Variants in CTXND1 observed in about 807,000 individuals in gnomAD.
CTXND1 encodes cortexin domain containing 1.
intron 1 of CTXND1, among the ~76,000 whole-genome samples, chr15:80,204,099 G>A (rs1464690939): frequency 7.5e-6 from 1 of 133,866 alleles, no homozygotes; most frequent in African/African-American, 2.8e-5. Context: ...GGAGGCGGAG[G>A]TTGCGCCGCT....
intron 1 of CTXND1, among the ~76,000 whole-genome samples, chr15:80,248,729 A>G (rs1029632695): frequency 2.0e-5 from 3 of 152,218 alleles, no homozygotes; most frequent in Non-Finnish European, 4.4e-5. Flanking sequence ...ATGTGATCAT[A>G]AAGGCCATGC....
intron 1 of CTXND1, among the ~76,000 whole-genome samples, chr15:80,238,493 T>C (rs1169212636): frequency 6.6e-6 from 1 of 151,620 alleles, no homozygotes; most frequent in African/African-American, 2.4e-5. Context: ...TTTGTTTTTT[T>C]TTTTTTTTTG....
At chr15:80,203,496 C>T (rs1293928804) in intron 2 of CTXND1, 93 bp downstream of exon 2, 3 of 152,192 alleles carry the variant, frequency 2.0e-5, no homozygotes, top group East Asian at 3.9e-4. Flanking sequence ...GCTTGGAGCC[C>T]GCTGGCTGGG....
chr15:80,209,025 T>C (rs998906815), intron 1 of CTXND1, among the ~76,000 whole-genome samples: 1 of 152,200 alleles, frequency 6.6e-6, no homozygotes, highest in Non-Finnish European at 1.5e-5. Flanking sequence ...TGCCTTAAGA[T>C]AATATCAGAT....
At chr15:80,218,826 C>G (rs1893281818) in intron 1 of CTXND1, among the ~76,000 whole-genome samples, 1 of 152,066 alleles carries the variant, frequency 6.6e-6, no homozygotes. Flanking sequence ...TTTCCTTCAC[C>G]AGAGGTGAGT....
At chr15:80,205,982 T>A (rs571540193) in intron 1 of CTXND1, among the ~76,000 whole-genome samples, 3 of 151,762 alleles carry the variant, frequency 2.0e-5, no homozygotes, top group African/African-American at 7.3e-5. Context: ...TGAAAGAAGA[T>A]GTTACAACAT....
At chr15:80,223,341 G>A (rs115956373) in intron 1 of CTXND1, among the ~76,000 whole-genome samples, 1,924 of 152,290 alleles carry the variant, frequency 0.013, 39 homozygotes, top group African/African-American at 0.044. Context: ...ATAGGCCTGA[G>A]CCACCGCGCC....
intron 1 of CTXND1, among the ~76,000 whole-genome samples, chr15:80,209,494 A>G (rs1156875405): frequency 6.6e-6 from 1 of 152,200 alleles, no homozygotes; most frequent in African/African-American, 2.4e-5. Context: ...TTTGCTTCAG[A>G]GTCAGGGACT....
At chr15:80,209,999 A>G (rs1175001705) in intron 1 of CTXND1, among the ~76,000 whole-genome samples, 1 of 152,258 alleles carries the variant, frequency 6.6e-6, no homozygotes, top group African/African-American at 2.4e-5. Context: ...TCTAAATCAA[A>G]CAAACTCAAT....
chr15:80,228,880 G>A (rs1023834462), intron 1 of CTXND1, among the ~76,000 whole-genome samples: 15 of 152,082 alleles, frequency 9.9e-5, no homozygotes, highest in African/African-American at 2.9e-4. Context: ...CACCTGCCTC[G>A]GCCCCCGAAA....
At chr15:80,230,428 T>C (rs1242127187) in intron 1 of CTXND1, among the ~76,000 whole-genome samples, 1 of 152,206 alleles carries the variant, frequency 6.6e-6, no homozygotes, top group Non-Finnish European at 1.5e-5. Flanking sequence ...CCTTTTTTAT[T>C]CCTGATATTG....
chr15:80,237,281 G>C (rs900613007), intron 1 of CTXND1, among the ~76,000 whole-genome samples: 20 of 147,014 alleles, frequency 1.4e-4, no homozygotes, highest in African/African-American at 4.5e-4. Flanking sequence ...CTTGCAGTGA[G>C]CCAAGATCGC....
chr15:80,238,486 GT>G (rs1325767977), intron 1 of CTXND1, among the ~76,000 whole-genome samples: 3,162 of 133,574 alleles, frequency 0.024, 48 homozygotes, highest in African/African-American at 0.05. Context: ...AACCATGTTT[GT>G]TTTTTTTTTT....
At chr15:80,240,674 T>C (rs1400633907) in intron 1 of CTXND1, among the ~76,000 whole-genome samples, 1 of 152,228 alleles carries the variant, frequency 6.6e-6, no homozygotes, top group Non-Finnish European at 1.5e-5. Context: ...GTTTAATTGA[T>C]TCATTGATAA....
intron 1 of CTXND1, among the ~76,000 whole-genome samples, chr15:80,237,336 G>GAAAAAA (rs201997173): frequency 1.2e-4 from 12 of 101,500 alleles, no homozygotes; most frequent in South Asian, 2.9e-4. Flanking sequence ...CAGTGTCTCA[G>GAAAAAA]AAAAAAAAAA....
chr15:80,227,141 A>AT (rs1045298895), intron 1 of CTXND1, among the ~76,000 whole-genome samples: 5 of 151,998 alleles, frequency 3.3e-5, no homozygotes, highest in African/African-American at 9.7e-5. Flanking sequence ...GAATTCTAGC[A>AT]TTTTTTTCAA....
chr15:80,230,389 C>G (rs548324408), intron 1 of CTXND1, among the ~76,000 whole-genome samples: 1 of 152,164 alleles, frequency 6.6e-6, no homozygotes, highest in Non-Finnish European at 1.5e-5. Context: ...GGATTACAGA[C>G]GTGAGCCACA....
intron 1 of CTXND1, among the ~76,000 whole-genome samples, chr15:80,232,868 G>A (rs1353411723): frequency 6.6e-6 from 1 of 152,008 alleles, no homozygotes; most frequent in African/African-American, 2.4e-5. Context: ...TCAGGTCCTG[G>A]GCATAATGTC....
At chr15:80,226,923 T>G (rs1259859177) in intron 1 of CTXND1, among the ~76,000 whole-genome samples, 1 of 152,108 alleles carries the variant, frequency 6.6e-6, no homozygotes, top group Non-Finnish European at 1.5e-5. Context: ...AGGAAAAGAG[T>G]AATAAATTCA....
Sources: gnomAD v4.1 joint callset for allele counts (sites outside exome capture counted in the v4.1 genomes callset) on GRCh38, gnomAD v4.1.1 for gene constraint, MANE v1.5 for transcripts, NCBI Gene and HGNC (gene_info 2026-07-23, HGNC 2026-07-21) for gene names.